BCOR: variants seen among roughly 807,000 people sequenced by gnomAD.
BCOR encodes the protein BCL-6 corepressor.
BCOR carries 10 observed loss-of-function variants against 86.7 expected under a neutral mutation model. That is an observed-to-expected ratio of 0.12 (90% CI 0.07 to 0.20). The LOEUF (loss-of-function observed/expected upper bound fraction) is 0.20. BCOR is among the 10% of genes least tolerant of loss of function. The probability of loss-of-function intolerance (pLI) is 1.00; values close to 1 mark genes in which losing one functional copy is unlikely to be tolerated. For missense variants in BCOR, 1,259 were observed against 1,452.1 expected, an observed-to-expected ratio of 0.87 and a Z score of 2.16; for synonymous variants, 611 against 609.0, an observed-to-expected ratio of 1.00 and a Z score of -0.05.
chrX:40,171,934 T>G (rs1429395708), intron 1 of BCOR, among the ~76,000 whole-genome samples: 1 of 112,603 alleles, frequency 8.9e-6, no homozygotes, highest in Admixed American at 9.3e-5. Flanking sequence ...GGCGGCCGGC[T>G]CCGGCTCACA....
upstream of BCOR, among the ~76,000 whole-genome samples, chrX:40,098,930 C>T (rs1443928116): frequency 6.2e-5 from 7 of 112,483 alleles, no homozygotes; most frequent in Non-Finnish European, 1.3e-4. Context: ...CGGAGATCCG[C>T]CTGTATTTCT....
intron 1 of BCOR, among the ~76,000 whole-genome samples, chrX:40,090,729 G>C (rs1427478833): frequency 8.9e-6 from 1 of 112,521 alleles, no homozygotes; most frequent in Non-Finnish European, 1.9e-5. Flanking sequence ...CTCCGGGAAG[G>C]GGGAGGGGAG....
At chrX:40,064,069 G>A (rs1935051516) in intron 7 of BCOR, 117 bp from the exon 8 acceptor site, 1 of 652,046 alleles carries the variant, frequency 1.5e-6, no homozygotes, top group South Asian at 2.9e-5. Flanking sequence ...CTGCTTTTGG[G>A]AAGGGGCCTA....
chrX:40,106,577 C>G (rs1172926993), intron 1 of BCOR, among the ~76,000 whole-genome samples: 2 of 111,651 alleles, frequency 1.8e-5, no homozygotes, highest in African/African-American at 6.5e-5. Flanking sequence ...CTCCCGCCTC[C>G]CGCCTCGCAC....
chrX:40,080,946 TACGCACACACGTGCACGCACGCACAC>T (rs2147391483), intron 1 of BCOR, among the ~76,000 whole-genome samples: 1 of 95,035 alleles, frequency 1.1e-5, no homozygotes, highest in African/African-American at 3.9e-5. Context: ...GCTGTGGACT[TACGCACACACGTGCACGCACGCACAC>T]GCGCACACAC....
At chrX:40,119,503 T>C (rs977059638) in intron 1 of BCOR, among the ~76,000 whole-genome samples, 2 of 110,739 alleles carry the variant, frequency 1.8e-5, no homozygotes, top group Non-Finnish European at 1.9e-5. Context: ...TGAAACCCCA[T>C]CTCTACACAA....
chrX:40,165,045 G>A (rs1938486257), intron 1 of BCOR, among the ~76,000 whole-genome samples: 1 of 111,880 alleles, frequency 8.9e-6, no homozygotes, highest in African/African-American at 3.3e-5. Context: ...ATGGGAGGAG[G>A]GGCTGAAAGA....
chrX:40,137,050 C>T (rs1937694991), intron 1 of BCOR, among the ~76,000 whole-genome samples: 1 of 112,103 alleles, frequency 8.9e-6, no homozygotes, highest in Non-Finnish European at 1.9e-5. Flanking sequence ...GGAGGTTTCT[C>T]TGTGTGTCAC....
chrX:40,119,539 G>A (rs1937451927), intron 1 of BCOR, among the ~76,000 whole-genome samples: 1 of 110,864 alleles, frequency 9.0e-6, no homozygotes, highest in African/African-American at 3.3e-5. Flanking sequence ...TGGGTGTGGT[G>A]GGCGTGCTGT....
At position 40,069,136 on chromosome X, in the gene BCOR, G is replaced by A. The variant is rs1162546119; in HGVS notation, c.3238+1837C>T. Among the ~76,000 whole-genome samples, 5 of 112,733 alleles carry A rather than the reference G, an allele frequency of 4.4e-5. No homozygotes were observed. In the Admixed American group the frequency reaches 4.7e-4, roughly 11 times the overall value. On this transcript the variant is annotated intron_variant, in intron 6 of 14. Transcript: ENST00000378444. ...CGGATCCAGCGCATGCTGTACCCTG[G>A]ATGAGATGGCAGTGGCAGCAGCAAG...
chrX:40,150,502 A>G (rs1382520562), intron 1 of BCOR, among the ~76,000 whole-genome samples: 1 of 112,553 alleles, frequency 8.9e-6, no homozygotes, highest in Non-Finnish European at 1.9e-5. Flanking sequence ...TAATTTGGGT[A>G]AAAGTTAGAA....
intron 1 of BCOR, among the ~76,000 whole-genome samples, chrX:40,138,557 T>C (rs1027911603): frequency 1.2e-4 from 13 of 111,072 alleles, no homozygotes; most frequent in African/African-American, 4.3e-4. Flanking sequence ...TTATTATTTA[T>C]TTATTTATTT....
chrX:40,114,396 G>C (rs1347199012), intron 1 of BCOR, among the ~76,000 whole-genome samples: 1 of 111,697 alleles, frequency 9.0e-6, no homozygotes, highest in Non-Finnish European at 1.9e-5. Context: ...GCATGCTGGT[G>C]GGGAGGCCTT....
At chrX:40,054,738 G>A (rs1244524425) in intron 12 of BCOR, among the ~76,000 whole-genome samples, 7 of 112,311 alleles carry the variant, frequency 6.2e-5, no homozygotes, top group Non-Finnish European at 1.3e-4. Context: ...CCTGACCTTT[G>A]GTGATCCACC....
At chrX:40,093,144 G>T (rs1936693363) in intron 1 of BCOR, among the ~76,000 whole-genome samples, 1 of 112,244 alleles carries the variant, frequency 8.9e-6, no homozygotes, top group Non-Finnish European at 1.9e-5. Context: ...CTCTGTATTT[G>T]CATACCCATG....
At chrX:40,175,523 G>A (rs1355102831) in intron 1 of BCOR, among the ~76,000 whole-genome samples, 5 of 113,551 alleles carry the variant, frequency 4.4e-5, no homozygotes, top group Non-Finnish European at 9.4e-5. Context: ...TTCTGTGCAC[G>A]TATCGACACA....
intron 1 of BCOR, among the ~76,000 whole-genome samples, chrX:40,130,351 C>T (rs1937589746): frequency 8.9e-6 from 1 of 112,180 alleles, no homozygotes; most frequent in African/African-American, 3.2e-5. Context: ...TGGGAGGTTT[C>T]CCCTGGTCTT....
At chrX:40,082,900 C>T (rs1448457437) in intron 1 of BCOR, among the ~76,000 whole-genome samples, 1 of 111,270 alleles carries the variant, frequency 9.0e-6, no homozygotes, top group East Asian at 2.8e-4. Flanking sequence ...ACCACCTCAT[C>T]CTGCGGGGGA....
chrX:40,056,465 G>A (rs902271659), intron 11 of BCOR, among the ~76,000 whole-genome samples: 1 of 110,867 alleles, frequency 9.0e-6, no homozygotes, highest in African/African-American at 3.3e-5. Context: ...TTCTCAGCAG[G>A]ATACAGAGGC....
Sources: gnomAD v4.1 joint callset for allele counts (sites outside exome capture counted in the v4.1 genomes callset) on GRCh38, gnomAD v4.1.1 for gene constraint, MANE v1.5 for transcripts, NCBI Gene and HGNC (gene_info 2026-07-23, HGNC 2026-07-21) for gene names.